BCO2: variants seen among roughly 807,000 people sequenced by gnomAD.
The protein encoded by BCO2 is beta-carotene oxygenase 2, also known as carotenoid-cleaving dioxygenase, mitochondrial.
A neutral mutation model predicts 65.8 loss-of-function variants in BCO2; 56 were observed. The observed-to-expected ratio is 0.85, with a 90% CI of 0.69 to 1.06. The LOEUF is 1.06. Ranked by LOEUF, BCO2 falls within the 50% of genes least tolerant of loss-of-function variation. The pLI is 0.00. For missense variants in BCO2, 675 were observed against 698.5 expected, an observed-to-expected ratio of 0.97 and a Z score of 0.38; for synonymous variants, 233 against 242.3, an observed-to-expected ratio of 0.96 and a Z score of 0.36.
chr11:112,183,441 G>A (rs928288785), intron 2 of BCO2, among the ~76,000 whole-genome samples: 1 of 152,056 alleles, frequency 6.6e-6, no homozygotes, highest in African/African-American at 2.4e-5. Context: ...TTTTTGAACG[G>A]GGTAGGAGGG....
chr11:112,205,971 A>G (rs1034939092), intron 8 of BCO2, among the ~76,000 whole-genome samples: 42 of 152,026 alleles, frequency 2.8e-4, no homozygotes, highest in Non-Finnish European at 4.6e-4. Context: ...TAATTAATTA[A>G]TTTATTTTTA....
chr11:112,205,473 A>AAAG lies in BCO2; in HGVS notation c.1194+3283_1194+3284insAAG, dbSNP rs1344293883. Among the ~76,000 whole-genome samples the AAAG allele has an allele frequency of 2.0e-5, 3 of 152,020 alleles. No homozygotes were observed. In the East Asian group the frequency reaches 5.8e-4, roughly 29 times the overall value. On this transcript the variant is annotated intron_variant, in intron 8 of 11. Coordinates refer to ENST00000357685, the MANE Select transcript of BCO2 (RefSeq NM_031938.7). ...ATTTTATTTTTTATTTTATTCTTTT[A>AAAG]GGGACAGGATCTCACTCTGTTGCCC...
At chr11:112,194,446 G>C in intron 4 of BCO2, 1 of 507,190 alleles carries the variant, frequency 2.0e-6, no homozygotes, top group Non-Finnish European at 3.4e-6. Context: ...TTTGTTGTTA[G>C]TAGTGGTGAT....
At chr11:112,206,646 G>T (rs1859349784) in intron 8 of BCO2, among the ~76,000 whole-genome samples, 2 of 152,144 alleles carry the variant, frequency 1.3e-5, no homozygotes, top group Admixed American at 1.3e-4. Flanking sequence ...TATTGGATAT[G>T]TGGTTGCAAT....
At chr11:112,176,222 A>G (rs531093421) in intron 1 of BCO2, 1 of 154,500 alleles carries the variant, frequency 6.5e-6, no homozygotes, top group African/African-American at 2.4e-5. Context: ...TGTTTGCAGT[A>G]TGCAAGGGAA....
At position 112,216,292 on chromosome 11, in the gene BCO2, G is replaced by T; in HGVS notation, c.1588G>T (p.Gly530Cys). 5 of 1,614,076 alleles carry T rather than the reference G, an allele frequency of 3.1e-6. No homozygotes were observed. Among genetic ancestry groups the T allele is most frequent in the Non-Finnish European group, 4.2e-6 (5 of 1,179,960 alleles). The change falls in exon 11 of 12, where the codon GGT becomes TGT. Residue 530 changes from glycine (G) to cysteine (C), a missense_variant. Coordinates refer to ENST00000357685, the MANE Select transcript of BCO2 (RefSeq NM_031938.7). Reference sequence around the variant, plus strand: ...AGCACCAGGAACCAATGAAGAAGATGGTGGGGTTATTCTTTCTGTGGTGAT... The same window carrying T: ...AGCACCAGGAACCAATGAAGAAGATTGTGGGGTTATTCTTTCTGTGGTGAT... Reference protein sequence around the residue: ...VPAPGTNEEDGGVILSVVITP... With the variant: ...VPAPGTNEEDCGVILSVVITP...
chr11:112,207,011 T>A (rs1323927960), intron 8 of BCO2, among the ~76,000 whole-genome samples: 2 of 152,240 alleles, frequency 1.3e-5, no homozygotes, highest in South Asian at 4.1e-4. Flanking sequence ...TGCAATTGAT[T>A]TTGTATATTA....
chr11:112,183,195 AT>A (rs1180195120), intron 2 of BCO2: 3 of 882,344 alleles, frequency 3.4e-6, no homozygotes, highest in Non-Finnish European at 5.8e-6. Flanking sequence ...CAGATGAGAA[AT>A]TTTAGGGACT....
chr11:112,189,979 A>T (rs762907290), intron 2 of BCO2, among the ~76,000 whole-genome samples: 7 of 152,214 alleles, frequency 4.6e-5, no homozygotes, highest in African/African-American at 7.2e-5. Flanking sequence ...ATTATTTACG[A>T]ATATCCACGA....
In BCO2 at chr11:112,193,466, G is replaced by A. The variant is rs1272640576; in HGVS notation, c.294-8G>A. The A allele has an allele frequency of 1.9e-5, 30 of 1,611,638 alleles. No homozygotes were observed. Among genetic ancestry groups the A allele is most frequent in the Non-Finnish European group, 2.4e-5 (28 of 1,178,050 alleles). On this transcript the variant is annotated splice_polypyrimidine_tract_variant and splice_region_variant and intron_variant, in intron 2 of 11. Transcript: ENST00000357685. The stretch of plus-strand genomic sequence containing the variant: ...TACTGATATTTATTTATTTTCTCCT[G>A]TTTGAAGGTACAATCATTGGTTTGA...
At chr11:112,184,496 G>A (rs1402292541) in intron 2 of BCO2, among the ~76,000 whole-genome samples, 8 of 152,046 alleles carry the variant, frequency 5.3e-5, no homozygotes, top group African/African-American at 1.9e-4. Flanking sequence ...CTCGTGATCA[G>A]CCTGTCTTGG....
chr11:112,209,888 A>G (rs1859459654), intron 8 of BCO2, among the ~76,000 whole-genome samples: 1 of 152,146 alleles, frequency 6.6e-6, no homozygotes, highest in African/African-American at 2.4e-5. Flanking sequence ...CTTTGTATCT[A>G]TGTTCATGAA....
chr11:112,202,286 TC>T, intron 8 of BCO2, 96 bp downstream of exon 8: 1 of 1,170,864 alleles, frequency 8.5e-7, no homozygotes, highest in Non-Finnish European at 1.2e-6. Context: ...TCTCTCTCTC[TC>T]TCTTTTTTCT....
chr11:112,201,278 G>A (rs943860839), intron 7 of BCO2, among the ~76,000 whole-genome samples: 3 of 152,008 alleles, frequency 2.0e-5, no homozygotes, highest in African/African-American at 7.2e-5. Flanking sequence ...CTCCCGAGTA[G>A]CTGGGACTAC....
In BCO2 at chr11:112,203,142, C is replaced by T. The variant is rs568491803; in HGVS notation, c.1194+952C>T. On this transcript the variant is annotated intron_variant, in intron 8 of 11. Transcript: ENST00000357685. ...TGCTAGAAGGAATAGCAAAGTAGACCGTCAATCAGTCCACCTAGTTGAAGG... is the reference window on the plus strand; with the variant it reads ...TGCTAGAAGGAATAGCAAAGTAGACTGTCAATCAGTCCACCTAGTTGAAGG... Among the ~76,000 whole-genome samples the T allele has an allele frequency of 3.9e-5, 6 of 151,938 alleles. No individual in the cohort carries two copies. The South Asian group carries it at 1.0e-3, about 26-fold the overall frequency.
chr11:112,208,682 G>A, intron 8 of BCO2: 1 of 209,496 alleles, frequency 4.8e-6, no homozygotes, highest in Non-Finnish European at 1.0e-5. Context: ...CCTGCTGGAA[G>A]AGACAATCCT....
chr11:112,193,842 G>A (rs1867477513), intron 3 of BCO2, 37 bp from the exon 4 acceptor site: 2 of 1,475,592 alleles, frequency 1.4e-6, no homozygotes, highest in Non-Finnish European at 1.9e-6. Flanking sequence ...TCTACAGTAA[G>A]CTGTGGTACT....
chr11:112,200,903 C>A, intron 7 of BCO2, 130 bp downstream of exon 7: 1 of 953,880 alleles, frequency 1.0e-6, no homozygotes, highest in Non-Finnish European at 1.6e-6. Flanking sequence ...ATATTACCTT[C>A]TTCTATAGGT....
chr11:112,208,409 C>G (rs577462342), intron 8 of BCO2, among the ~76,000 whole-genome samples: 1 of 130,106 alleles, frequency 7.7e-6, no homozygotes, highest in East Asian at 2.4e-4. Flanking sequence ...TACATGTAAG[C>G]TGTATATTGG....
Sources: gnomAD v4.1 joint callset for allele counts (sites outside exome capture counted in the v4.1 genomes callset) on GRCh38, gnomAD v4.1.1 for gene constraint, MANE v1.5 for transcripts, NCBI Gene and HGNC (gene_info 2026-07-23, HGNC 2026-07-21) for gene names.